Variants in PDZD8 observed in about 807,000 individuals in gnomAD.
The protein encoded by PDZD8 is PDZ domain containing 8.
A neutral mutation model predicts 85.8 loss-of-function variants in PDZD8; 14 were observed. That is an observed-to-expected ratio of 0.16 (90% CI 0.11 to 0.26). The LOEUF (loss-of-function observed/expected upper bound fraction) is 0.26. Ranked by LOEUF, PDZD8 falls within the 10% of genes least tolerant of loss-of-function variation. The pLI is 1.00. For missense variants in PDZD8, 1,197 were observed against 1,424.3 expected (o/e 0.84, Z 2.57); for synonymous variants, 592 against 568.6 (o/e 1.04, Z -0.59).
chr10:117,282,166 C>T lies in PDZD8; in HGVS notation c.*1102G>A, dbSNP rs924310495. On this transcript the variant is annotated 3_prime_UTR_variant, in exon 5 of 5. Transcript: ENST00000334464. ...TCACCATTCCTTTACAACTGTAAGA[C>T]GCCAAAGCAAAAAGTATATTTTGCA... 6 of 152,136 alleles carry T rather than the reference C, an allele frequency of 3.9e-5. No homozygotes were observed. The highest frequency in any genetic ancestry group is 1.2e-4 in the African/African-American group (5 of 41,422). 9.4% of individuals were successfully genotyped at this position (152,136 alleles called of 1,614,324 possible).
intron 3 of PDZD8, among the ~76,000 whole-genome samples, chr10:117,292,717 C>A (rs557847371): frequency 6.6e-6 from 1 of 150,508 alleles, no homozygotes; most frequent in Non-Finnish European, 1.5e-5. Context: ...TAAATCATAT[C>A]TTTCCCTTTG....
At chr10:117,370,615 G>A (rs1845171918) in intron 1 of PDZD8, among the ~76,000 whole-genome samples, 1 of 152,176 alleles carries the variant, frequency 6.6e-6, no homozygotes, top group Non-Finnish European at 1.5e-5. Context: ...GCCGAGGTGG[G>A]TAGACTGCCT....
intron 4 of PDZD8, among the ~76,000 whole-genome samples, chr10:117,287,457 A>C (rs1367889768): frequency 6.6e-6 from 1 of 152,150 alleles, no homozygotes. Flanking sequence ...TACATTCCCA[A>C]CTACTGGACA....
chr10:117,367,023 AC>A (rs1845102192), intron 1 of PDZD8, among the ~76,000 whole-genome samples: 1 of 152,234 alleles, frequency 6.6e-6, no homozygotes, highest in Non-Finnish European at 1.5e-5. Flanking sequence ...TGCTCCTTCA[AC>A]ACAATCTACT....
Position 117,283,398 on chromosome 10 carries a change from T to C in PDZD8, c.3335A>G (p.His1112Arg). 1 of 1,614,110 alleles carries C rather than the reference T, an allele frequency of 6.2e-7. No homozygotes were observed. The highest frequency in any genetic ancestry group is 8.5e-7 in the Non-Finnish European group (1 of 1,179,948). ...TGTGTACTTGCTTATTTTTTTGGAG[T>C]GCTGGTCTAAAGACAGACTTTCTAA... is the stretch of plus-strand genomic sequence containing the variant. Reference protein sequence around the residue: ...ETLESLSLDQHSKKISKYTDD... With the variant: ...ETLESLSLDQRSKKISKYTDD... Residue 1112 changes from histidine to arginine, a missense_variant, in exon 5 of 5, where the codon CAC becomes CGC. Physicochemically the swap from His to Arg is conservative, Grantham distance 29 (BLOSUM62 0). Transcript: ENST00000334464.
At position 117,375,359 on chromosome 10, in the gene PDZD8, T is replaced by G; in HGVS notation, c.-132A>C. ...GGGGCGAGCGGCTCCGTGGGCCTCG[T>G]CCAGGGGCTCGGGCCGGCGCGCTGC... On this transcript the variant is annotated 5_prime_UTR_variant, in exon 1 of 5. Transcript: ENST00000334464. 2 of 652,402 alleles carry G rather than the reference T, an allele frequency of 3.1e-6. No individual in the cohort carries two copies. The highest frequency in any genetic ancestry group is 4.4e-6 in the Non-Finnish European group (2 of 450,396). 40.4% of individuals were successfully genotyped at this position (652,402 alleles called of 1,614,324 possible).
At chr10:117,285,525 TAC>T (rs879836092) in intron 4 of PDZD8, 54 bp from the exon 5 acceptor site, 20 of 1,423,172 alleles carry the variant, frequency 1.4e-5, no homozygotes, top group Non-Finnish European at 1.9e-5. Flanking sequence ...TAGAAATTAC[TAC>T]ATTTGTTAAA....
chr10:117,288,560 G>A (rs1162781736), intron 4 of PDZD8, among the ~76,000 whole-genome samples: 1 of 152,136 alleles, frequency 6.6e-6, no homozygotes, highest in Non-Finnish European at 1.5e-5. Context: ...CCAGGCTGGA[G>A]TGCAATGGTA....
chr10:117,290,486 G>A, intron 3 of PDZD8, 138 bp from the exon 4 acceptor site: 1 of 573,406 alleles, frequency 1.7e-6, no homozygotes, highest in Non-Finnish European at 2.9e-6. Context: ...AAAGGAAGGA[G>A]AAAATCTTTA....
intron 1 of PDZD8, among the ~76,000 whole-genome samples, chr10:117,358,904 A>C (rs1844945721): frequency 6.6e-6 from 1 of 152,168 alleles, no homozygotes; most frequent in Admixed American, 6.5e-5. Flanking sequence ...ATTAAGGATG[A>C]ATTCCTACAG....
Position 117,280,873 on chromosome 10 carries a change from G to C in PDZD8, c.*2395C>G, listed in dbSNP as rs183192351. The C allele has an allele frequency of 6.6e-6, 1 of 152,136 alleles. No individual in the cohort carries two copies. The highest frequency in any genetic ancestry group is 2.4e-5 in the African/African-American group (1 of 41,422). 9.4% of individuals were successfully genotyped at this position (152,136 alleles called of 1,614,324 possible). A position where few individuals can be genotyped will look rare whatever the true frequency, so the allele number is the denominator to read the frequency against. ...ATGCATCAGTTTCAGCAACATGCTT[G>C]GGTATCATGAAAACTTCCATGGTTT... On this transcript the variant is annotated 3_prime_UTR_variant, in exon 5 of 5. Coordinates refer to ENST00000334464, the MANE Select transcript of PDZD8 (RefSeq NM_173791.5).
In PDZD8 at chr10:117,315,462, G is replaced by C. The variant is rs564083368; in HGVS notation, c.1098+3410C>G. 4.6e-5 allele frequency among the ~76,000 whole-genome samples: 7 copies of C among 151,864 alleles called. No homozygotes were observed. In the South Asian group the frequency reaches 1.5e-3, roughly 32 times the overall value. ...ATACAACAATTAGCTGGGTGCAGTGGTGCACGCCTGTAGTCCCAGCTACTC... is the reference window on the plus strand; with the variant it reads ...ATACAACAATTAGCTGGGTGCAGTGCTGCACGCCTGTAGTCCCAGCTACTC... On this transcript the variant is annotated intron_variant, in intron 3 of 4. Transcript: ENST00000334464.
chr10:117,298,575 A>G (rs1019975455), intron 3 of PDZD8, among the ~76,000 whole-genome samples: 2 of 152,058 alleles, frequency 1.3e-5, no homozygotes, highest in Non-Finnish European at 2.9e-5. Flanking sequence ...TTATACCCCT[A>G]TATTTCTTAT....
intron 2 of PDZD8, among the ~76,000 whole-genome samples, chr10:117,339,838 C>A (rs1351973144): frequency 6.6e-6 from 1 of 152,092 alleles, no homozygotes; most frequent in Non-Finnish European, 1.5e-5. Flanking sequence ...GAATGAGGGG[C>A]TGGGCGGAGG....
chr10:117,302,297 C>A (rs1229444859), intron 3 of PDZD8, among the ~76,000 whole-genome samples: 4 of 152,092 alleles, frequency 2.6e-5, no homozygotes, highest in African/African-American at 9.7e-5. Flanking sequence ...AAGGAGATAC[C>A]ACATTTACTA....
chr10:117,322,793 C>T (rs1340397380), intron 2 of PDZD8, among the ~76,000 whole-genome samples: 1 of 152,136 alleles, frequency 6.6e-6, no homozygotes, highest in Non-Finnish European at 1.5e-5. Flanking sequence ...AAAAATAAGA[C>T]TACCATGAGA....
At chr10:117,341,861 C>T (rs1232800931) in intron 1 of PDZD8, among the ~76,000 whole-genome samples, 1 of 152,154 alleles carries the variant, frequency 6.6e-6, no homozygotes, top group African/African-American at 2.4e-5. Context: ...ACTGTAATAG[C>T]AACATCAATA....
At chr10:117,325,547 C>T (rs893064588) in intron 2 of PDZD8, among the ~76,000 whole-genome samples, 16 of 151,614 alleles carry the variant, frequency 1.1e-4, no homozygotes, top group African/African-American at 1.9e-4. Context: ...GGATTACAGG[C>T]GCGTGCCACC....
intron 1 of PDZD8, among the ~76,000 whole-genome samples, chr10:117,355,309 TCTAC>T (rs1195958826): frequency 3.3e-5 from 5 of 152,172 alleles, no homozygotes; most frequent in African/African-American, 1.2e-4. Flanking sequence ...GTCCCTCTCC[TCTAC>T]CATCTGGTAA....
Sources: allele counts gnomAD v4.1 joint callset (sites outside exome capture counted in the v4.1 genomes callset), GRCh38; gene constraint gnomAD v4.1.1; transcripts MANE v1.5; gene names NCBI Gene and HGNC (gene_info 2026-07-23, HGNC 2026-07-21).